SLC39A11: variants seen among roughly 807,000 people sequenced by gnomAD.
SLC39A11 encodes the protein zinc transporter ZIP11.
SLC39A11 carries 33 observed loss-of-function variants against 36.1 expected under a neutral mutation model. The observed-to-expected ratio is 0.91, with a 90% CI of 0.69 to 1.22. The LOEUF is 1.22. SLC39A11 is among the 50% of genes most tolerant of loss of function. The pLI is 0.00. For synonymous variants in SLC39A11, 166 were observed against 170.3 expected, an observed-to-expected ratio of 0.97 and a Z score of 0.20; for missense variants, 432 against 430.3, an observed-to-expected ratio of 1.00 and a Z score of -0.03.
At chr17:72,838,192 A>G in intron 6 of SLC39A11, 1 of 397,860 alleles carries the variant, frequency 2.5e-6, no homozygotes. Flanking sequence ...CAGATATACT[A>G]AAACCACTGA....
intron 7 of SLC39A11, among the ~76,000 whole-genome samples, chr17:72,734,526 C>T (rs992990101): frequency 4.6e-5 from 7 of 152,186 alleles, no homozygotes; most frequent in African/African-American, 1.7e-4. Context: ...CCTGCTGCCC[C>T]GACTCCACCC....
intron 3 of SLC39A11, chr17:73,068,332 A>G (rs1455080555): frequency 8.9e-6 from 5 of 561,422 alleles, no homozygotes; most frequent in Non-Finnish European, 1.3e-5. Context: ...TTTAGCCACT[A>G]TGTTTCAGGT....
At chr17:72,949,993 AC>A (rs2085749758) in intron 4 of SLC39A11, among the ~76,000 whole-genome samples, 1 of 110,044 alleles carries the variant, frequency 9.1e-6, no homozygotes, top group African/African-American at 3.4e-5. Context: ...ACACACACAC[AC>A]ACCCCTTCTT....
intron 5 of SLC39A11, among the ~76,000 whole-genome samples, chr17:72,883,829 G>A (rs1180672756): frequency 6.6e-6 from 1 of 152,136 alleles, no homozygotes; most frequent in East Asian, 1.9e-4. Context: ...GCCCAAGTAG[G>A]GCCTGGTCTT....
intron 5 of SLC39A11, among the ~76,000 whole-genome samples, chr17:72,879,001 T>TGGGTGTAATAA (rs1255158873): frequency 1.3e-5 from 2 of 152,236 alleles, no homozygotes; most frequent in Admixed American, 1.3e-4. Flanking sequence ...ACACTTCACT[T>TGGGTGTAATAA]ATGTTCACCA....
chr17:72,853,337 T>A (rs2079466287), intron 5 of SLC39A11, among the ~76,000 whole-genome samples: 1 of 151,930 alleles, frequency 6.6e-6, no homozygotes, highest in Non-Finnish European at 1.5e-5. Context: ...CCCTTGGGGA[T>A]TTTATAATTT....
At chr17:72,811,551 A>G (rs1427405433) in intron 6 of SLC39A11, among the ~76,000 whole-genome samples, 1 of 152,334 alleles carries the variant, frequency 6.6e-6, no homozygotes, top group South Asian at 2.1e-4. Context: ...AGTAACTGAG[A>G]TGCTGTATCT....
chr17:72,870,480 T>C (rs2080552354), intron 5 of SLC39A11, among the ~76,000 whole-genome samples: 1 of 152,264 alleles, frequency 6.6e-6, no homozygotes, highest in Non-Finnish European at 1.5e-5. Flanking sequence ...CGGCAATGTG[T>C]TCATTTGCAA....
At chr17:72,802,382 G>A (rs1208383694) in intron 6 of SLC39A11, among the ~76,000 whole-genome samples, 2 of 152,068 alleles carry the variant, frequency 1.3e-5, no homozygotes. Context: ...CTGAGGTCAG[G>A]AGTTTGAGAC....
chr17:73,010,638 C>T (rs920323624), intron 4 of SLC39A11, among the ~76,000 whole-genome samples: 8 of 152,134 alleles, frequency 5.3e-5, no homozygotes, highest in Non-Finnish European at 4.4e-5. Context: ...ACTCAAAGGT[C>T]GCTCGAAAAA....
chr17:72,808,506 T>G (rs1006291566), intron 6 of SLC39A11, among the ~76,000 whole-genome samples: 1 of 152,198 alleles, frequency 6.6e-6, no homozygotes. Flanking sequence ...ACTACAAGAT[T>G]AGGATTACGG....
chr17:72,789,496 C>T (rs970621221), intron 6 of SLC39A11, among the ~76,000 whole-genome samples: 2 of 152,218 alleles, frequency 1.3e-5, no homozygotes, highest in Admixed American at 6.5e-5. Flanking sequence ...AGCAGGTAAA[C>T]TGTCGCCCAG....
At chr17:72,949,950 GACACACACACACACACACACACACACAC>G (rs67207508) in intron 4 of SLC39A11, among the ~76,000 whole-genome samples, 1 of 146,148 alleles carries the variant, frequency 6.8e-6, no homozygotes, top group Non-Finnish European at 1.5e-5. Context: ...AGGCTGCTGT[GACACACACACACACACACACACACACAC>G]ACACACACAC....
At chr17:72,972,581 G>A (rs1042692294) in intron 4 of SLC39A11, among the ~76,000 whole-genome samples, 13 of 151,986 alleles carry the variant, frequency 8.6e-5, no homozygotes, top group African/African-American at 2.9e-4. Context: ...CTGAGCCAAC[G>A]GAGACTTAAT....
At chr17:72,747,637 G>A (rs2074994523) in intron 6 of SLC39A11, among the ~76,000 whole-genome samples, 1 of 152,176 alleles carries the variant, frequency 6.6e-6, no homozygotes, top group African/African-American at 2.4e-5. Flanking sequence ...CAGGGCTGCT[G>A]TCTTCATTCT....
intron 7 of SLC39A11, among the ~76,000 whole-genome samples, chr17:72,678,762 A>C (rs575533597): frequency 2.0e-4 from 31 of 152,198 alleles, no homozygotes; most frequent in Non-Finnish European, 4.4e-4. Flanking sequence ...TTAGGGATTC[A>C]TCGATTCACA....
intron 6 of SLC39A11, among the ~76,000 whole-genome samples, chr17:72,812,427 T>C (rs902594509): frequency 6.6e-6 from 1 of 152,214 alleles, no homozygotes; most frequent in African/African-American, 2.4e-5. Context: ...ATACAATGTA[T>C]AACAAAGATG....
chr17:72,925,066 T>G (rs1357530180), intron 5 of SLC39A11, among the ~76,000 whole-genome samples: 1 of 150,770 alleles, frequency 6.6e-6, no homozygotes, highest in African/African-American at 2.4e-5. Context: ...TTGAGGAGAA[T>G]TCCCTATCCC....
chr17:72,838,617 A>G (rs1184012965), intron 6 of SLC39A11, among the ~76,000 whole-genome samples: 2 of 152,198 alleles, frequency 1.3e-5, no homozygotes, highest in African/African-American at 4.8e-5. Context: ...CTCTTTCCTC[A>G]GTGTGGAAGT....
Sources: gnomAD v4.1 joint callset for allele counts (sites outside exome capture counted in the v4.1 genomes callset) on GRCh38, gnomAD v4.1.1 for gene constraint, MANE v1.5 for transcripts, NCBI Gene and HGNC (gene_info 2026-07-23, HGNC 2026-07-21) for gene names.